The following RGS7 variants were observed in gnomAD, a reference collection of about 807,000 sequenced individuals.
The protein encoded by RGS7 is regulator of G-protein signaling 7.
In RGS7, 27 loss-of-function variants were observed where a neutral mutation model predicts 81.1. The ratio of observed to expected loss-of-function variants is 0.33; its 90% confidence interval spans 0.25 to 0.46. RGS7 has a LOEUF of 0.46. Among genes scored for constraint, RGS7 ranks in the 20% least tolerant of loss-of-function variants. The probability of loss-of-function intolerance (pLI) is 1.00; values close to 1 mark genes in which losing one functional copy is unlikely to be tolerated. For missense variants in RGS7, 396 were observed against 607.4 expected, an observed-to-expected ratio of 0.65 and a Z score of 3.66; for synonymous variants, 208 against 207.7, an observed-to-expected ratio of 1.00 and a Z score of -0.01.
intron 2 of RGS7, among the ~76,000 whole-genome samples, chr1:241,328,941 C>T (rs1281953252): frequency 6.6e-6 from 1 of 152,042 alleles, no homozygotes; most frequent in African/African-American, 2.4e-5. Flanking sequence ...TATGCACAAA[C>T]TTGTATCTAG....
chr1:241,347,393 A>G (rs2148723816), intron 2 of RGS7, among the ~76,000 whole-genome samples: 1 of 152,296 alleles, frequency 6.6e-6, no homozygotes, highest in South Asian at 2.1e-4. Flanking sequence ...CTTCATGACT[A>G]CTACTCTGCA....
At chr1:240,960,030 T>G (rs1238868697) in intron 4 of RGS7, among the ~76,000 whole-genome samples, 1 of 151,750 alleles carries the variant, frequency 6.6e-6, no homozygotes, top group African/African-American at 2.4e-5. Context: ...TGTGGTGGCG[T>G]GTGCCTGCAG....
At chr1:240,878,287 A>G (rs1665780219) in intron 6 of RGS7, among the ~76,000 whole-genome samples, 1 of 151,876 alleles carries the variant, frequency 6.6e-6, no homozygotes, top group South Asian at 2.1e-4. Context: ...TTCTCCCCCT[A>G]TTCTTCTTCC....
At chr1:240,911,261 C>G (rs1054901269) in intron 6 of RGS7, among the ~76,000 whole-genome samples, 1 of 152,038 alleles carries the variant, frequency 6.6e-6, no homozygotes, top group Non-Finnish European at 1.5e-5. Flanking sequence ...ATCCATCCAT[C>G]CATCTCTTTC....
chr1:241,314,509 A>G (rs920842022), intron 2 of RGS7, among the ~76,000 whole-genome samples: 1 of 152,240 alleles, frequency 6.6e-6, no homozygotes, highest in Non-Finnish European at 1.5e-5. Flanking sequence ...TAACTTTTAT[A>G]TGCACTCAGA....
rs895815753 is a variant in RGS7 at position 241,190,963 on chromosome 1, G to A, written c.79-92201C>T. Among the ~76,000 whole-genome samples the A allele has an allele frequency of 1.2e-4, 18 of 151,792 alleles. No individual in the cohort carries two copies. In the East Asian group the frequency reaches 1.4e-3, roughly 11 times the overall value. On this transcript the variant is annotated intron_variant, in intron 2 of 18. Coordinates refer to ENST00000440928, the MANE Select transcript of RGS7 (RefSeq NM_001364886.1). ...AGAGGGGATAGATGTTCTTTATCAC[G>A]TTGTGAAAATTCTCCGCTATTGCCA...
intron 9 of RGS7, among the ~76,000 whole-genome samples, chr1:240,835,271 T>G (rs1694536394): frequency 6.6e-6 from 1 of 152,132 alleles, no homozygotes. Flanking sequence ...CCAATTAACA[T>G]ATGGACAGAT....
At chr1:240,987,132 G>C (rs1201470899) in intron 3 of RGS7, among the ~76,000 whole-genome samples, 2 of 152,036 alleles carry the variant, frequency 1.3e-5, no homozygotes, top group African/African-American at 4.8e-5. Flanking sequence ...AACTAAATCT[G>C]AATTAGAGGT....
At chr1:240,817,176 G>C (rs1690950296) in intron 10 of RGS7, among the ~76,000 whole-genome samples, 2 of 152,276 alleles carry the variant, frequency 1.3e-5, no homozygotes, top group South Asian at 2.1e-4. Flanking sequence ...ATCTGTAACT[G>C]ACTATGAGAC....
chr1:240,794,849 A>C (rs545601544), intron 18 of RGS7, among the ~76,000 whole-genome samples: 56 of 152,194 alleles, frequency 3.7e-4, no homozygotes, highest in Admixed American at 9.8e-4. Flanking sequence ...AGGTTATTAG[A>C]ATATGGAGGG....
intron 2 of RGS7, among the ~76,000 whole-genome samples, chr1:241,266,381 A>G (rs1016815188): frequency 6.6e-6 from 1 of 152,246 alleles, no homozygotes; most frequent in Admixed American, 6.5e-5. Flanking sequence ...GTGCCTCATT[A>G]AATCTGTTAG....
intron 2 of RGS7, among the ~76,000 whole-genome samples, chr1:241,257,238 A>G (rs2077097447): frequency 1.3e-5 from 2 of 152,138 alleles, no homozygotes; most frequent in Admixed American, 6.5e-5. Flanking sequence ...TATGATCTCT[A>G]CTTCATAGAT....
chr1:240,812,390 G>A (rs569500477), intron 13 of RGS7, among the ~76,000 whole-genome samples: 1 of 151,912 alleles, frequency 6.6e-6, no homozygotes, highest in South Asian at 2.1e-4. Context: ...CAAGTAATAA[G>A]GGGTAAAGAT....
intron 2 of RGS7, among the ~76,000 whole-genome samples, chr1:241,127,203 T>G (rs1042751164): frequency 6.6e-6 from 1 of 152,006 alleles, no homozygotes; most frequent in Non-Finnish European, 1.5e-5. Flanking sequence ...GAAATAGGAG[T>G]TATTCTGACA....
intron 4 of RGS7, among the ~76,000 whole-genome samples, chr1:240,938,153 C>T (rs1676957843): frequency 6.6e-6 from 1 of 152,290 alleles, no homozygotes. Flanking sequence ...TGCACAGATA[C>T]CAAACATCAA....
intron 10 of RGS7, chr1:240,823,352 C>T (rs1406095489): frequency 1.8e-5 from 9 of 508,244 alleles, no homozygotes; most frequent in Non-Finnish European, 3.3e-5. Context: ...GGAAAATTAG[C>T]TGCGGAGATG....
intron 9 of RGS7, among the ~76,000 whole-genome samples, chr1:240,849,801 C>T (rs961682604): frequency 1.3e-5 from 2 of 152,182 alleles, no homozygotes; most frequent in African/African-American, 4.8e-5. Context: ...CTGCCACAGC[C>T]TGTAGAACGA....
At chr1:241,161,969 G>T (rs1049767852) in intron 2 of RGS7, among the ~76,000 whole-genome samples, 2 of 151,786 alleles carry the variant, frequency 1.3e-5, no homozygotes, top group Non-Finnish European at 2.9e-5. Flanking sequence ...CACCTGCCTC[G>T]GCCTCCCAAA....
chr1:241,242,306 G>GTAGACAGATAGATAGATAGA (rs372439369), intron 2 of RGS7, among the ~76,000 whole-genome samples: 4 of 147,442 alleles, frequency 2.7e-5, no homozygotes, highest in African/African-American at 1.0e-4. Flanking sequence ...CTATGGATGA[G>GTAGACAGATAGATAGATAGA]TAGATAGATA....
Sources: gnomAD v4.1 joint callset for allele counts (sites outside exome capture counted in the v4.1 genomes callset) on GRCh38, gnomAD v4.1.1 for gene constraint, MANE v1.5 for transcripts, NCBI Gene and HGNC (gene_info 2026-07-23, HGNC 2026-07-21) for gene names.